The following CADM2 variants were observed in gnomAD, a reference collection of about 807,000 sequenced individuals.
The protein encoded by CADM2 is cell adhesion molecule 2.
CADM2 carries 12 observed loss-of-function variants against 49.8 expected under a neutral mutation model. The ratio of observed to expected loss-of-function variants is 0.24; its 90% CI spans 0.15 to 0.39. The LOEUF is 0.39. Ranked by LOEUF, CADM2 falls within the 10% of genes least tolerant of loss-of-function variation. CADM2 has a pLI of 1.00. For missense variants in CADM2, 378 were observed against 492.3 expected (o/e 0.77, Z 2.20); for synonymous variants, 214 against 175.4 (o/e 1.22, Z -1.74).
chr3:85,912,232 T>C, intron 5 of CADM2, 141 bp from the exon 6 acceptor site: 1 of 601,238 alleles, frequency 1.7e-6, no homozygotes, highest in South Asian at 2.5e-5. Context: ...TGAATTGAAA[T>C]AGATTAAATG....
intron 6 of CADM2, among the ~76,000 whole-genome samples, chr3:85,919,489 A>G (rs1206090855): frequency 6.6e-6 from 1 of 151,904 alleles, no homozygotes. Flanking sequence ...TAAGAAATAT[A>G]TCATATATAT....
intron 1 of CADM2, among the ~76,000 whole-genome samples, chr3:85,061,692 A>G (rs1228329679): frequency 1.3e-5 from 2 of 152,110 alleles, no homozygotes; most frequent in African/African-American, 2.4e-5. Context: ...TGTAAGTTCT[A>G]CTTCCTAGTA....
chr3:85,058,737 G>A (rs368965258), intron 1 of CADM2, among the ~76,000 whole-genome samples: 3 of 151,966 alleles, frequency 2.0e-5, no homozygotes, highest in Non-Finnish European at 4.4e-5. Context: ...GAGCCACCGC[G>A]CCCAGCTAAA....
At chr3:85,076,983 A>C (rs1204351181) in intron 1 of CADM2, among the ~76,000 whole-genome samples, 3 of 152,136 alleles carry the variant, frequency 2.0e-5, no homozygotes, top group Non-Finnish European at 4.4e-5. Context: ...AAATAGTAAT[A>C]ACAATAATAA....
At chr3:85,252,397 A>G (rs72917142) in intron 1 of CADM2, among the ~76,000 whole-genome samples, 4,435 of 152,050 alleles carry the variant, frequency 0.029, 231 homozygotes, top group African/African-American at 0.1. Context: ...GTGAGAGTGT[A>G]CTTAATTACT....
intron 1 of CADM2, among the ~76,000 whole-genome samples, chr3:85,363,765 C>T (rs1240913193): frequency 6.6e-6 from 1 of 152,196 alleles, no homozygotes; most frequent in African/African-American, 2.4e-5. Context: ...GCGCCCGCCA[C>T]CGCGCCCGGC....
chr3:85,851,156 A>G (rs988920258), intron 3 of CADM2, among the ~76,000 whole-genome samples: 3 of 152,174 alleles, frequency 2.0e-5, no homozygotes, highest in Non-Finnish European at 4.4e-5. Context: ...GTTTAAAATA[A>G]ACATATGCTT....
chr3:86,039,092 C>G (rs1412680459), intron 8 of CADM2, among the ~76,000 whole-genome samples: 1 of 152,086 alleles, frequency 6.6e-6, no homozygotes. Context: ...GGGGGTGGAG[C>G]CAAGATGGCC....
At chr3:85,242,837 T>G (rs1163305878) in intron 1 of CADM2, among the ~76,000 whole-genome samples, 1 of 151,864 alleles carries the variant, frequency 6.6e-6, no homozygotes, top group African/African-American at 2.4e-5. Context: ...CTTTCTGTTT[T>G]GGTTGTGGAA....
In CADM2 at chr3:86,058,295, A is replaced by G. The variant is rs913399661; in HGVS notation, c.971-7310A>G. 3.3e-5 allele frequency among the ~76,000 whole-genome samples: 5 copies of G among 152,216 alleles called. No homozygotes were observed. In the South Asian group the frequency reaches 1.0e-3, roughly 32 times the overall value. ...TTTAAAAGGCTGAAAAAGGAAACCTATATTTTTCCACATGGCAGCTTATAC... is the reference window on the plus strand; with the variant it reads ...TTTAAAAGGCTGAAAAAGGAAACCTGTATTTTTCCACATGGCAGCTTATAC... On this transcript the variant is annotated intron_variant, in intron 8 of 9. Coordinates refer to ENST00000383699, the MANE Select transcript of CADM2 (RefSeq NM_001167675.2).
intron 1 of CADM2, among the ~76,000 whole-genome samples, chr3:85,294,711 T>A (rs1334973013): frequency 6.6e-6 from 1 of 150,944 alleles, no homozygotes; most frequent in South Asian, 2.1e-4. Flanking sequence ...ATTTAATAAA[T>A]GGTGCTGGGA....
chr3:86,039,851 A>T (rs530127018), intron 8 of CADM2, among the ~76,000 whole-genome samples: 1 of 152,296 alleles, frequency 6.6e-6, no homozygotes, highest in Admixed American at 6.5e-5. Context: ...GCAGACTGAC[A>T]ACACACATGG....
Position 84,979,351 on chromosome 3 carries a change from C to T in CADM2, c.61+19683C>T, listed in dbSNP as rs189774137. On this transcript the variant is annotated intron_variant, in intron 1 of 9. Transcript: ENST00000383699. Reference sequence around the variant, plus strand: ...ATTAATGTGTATATTTATATATTGGCATACTTACTGATATCTAAGTATATA... The same window carrying T: ...ATTAATGTGTATATTTATATATTGGTATACTTACTGATATCTAAGTATATA... 2.7e-3 allele frequency among the ~76,000 whole-genome samples: 417 copies of T among 152,074 alleles called. 1 individual carries two copies. Among genetic ancestry groups the T allele is most frequent in the Admixed American group, 5.6e-3 (86 of 15,246 alleles).
intron 2 of CADM2, among the ~76,000 whole-genome samples, chr3:85,784,035 C>G (rs1332402163): frequency 6.6e-6 from 1 of 151,768 alleles, no homozygotes; most frequent in African/African-American, 2.4e-5. Flanking sequence ...ATCTCTCTCT[C>G]ACACACACAC....
At chr3:86,040,924 A>G (rs1294011243) in intron 8 of CADM2, among the ~76,000 whole-genome samples, 1 of 152,226 alleles carries the variant, frequency 6.6e-6, no homozygotes. Context: ...GGGGGTTAAT[A>G]TTCAACATTC....
chr3:85,710,354 AT>A (rs969688973), intron 1 of CADM2, among the ~76,000 whole-genome samples: 41 of 151,580 alleles, frequency 2.7e-4, no homozygotes, highest in African/African-American at 8.7e-4. Context: ...TTCTATTTAA[AT>A]TTTTTTTTCC....
At chr3:85,507,990 T>G (rs983633799) in intron 1 of CADM2, among the ~76,000 whole-genome samples, 2 of 152,296 alleles carry the variant, frequency 1.3e-5, no homozygotes, top group East Asian at 3.9e-4. Flanking sequence ...GGCACAATAG[T>G]GAGTCTCCTT....
At chr3:85,573,779 T>C (rs964732265) in intron 1 of CADM2, among the ~76,000 whole-genome samples, 1 of 152,174 alleles carries the variant, frequency 6.6e-6, no homozygotes, top group Non-Finnish European at 1.5e-5. Context: ...TATTCCCTGC[T>C]TTACTATTTT....
intron 1 of CADM2, among the ~76,000 whole-genome samples, chr3:85,127,647 G>A (rs2039079964): frequency 1.3e-5 from 2 of 152,040 alleles, no homozygotes; most frequent in African/African-American, 4.8e-5. Flanking sequence ...GTTTGATATT[G>A]CCACCCCATG....
Sources: allele counts gnomAD v4.1 joint callset (sites outside exome capture counted in the v4.1 genomes callset), GRCh38; gene constraint gnomAD v4.1.1; transcripts MANE v1.5; gene names NCBI Gene and HGNC (gene_info 2026-07-23, HGNC 2026-07-21).